TBX18: variants seen among roughly 807,000 people sequenced by gnomAD.
TBX18 encodes the protein T-box transcription factor TBX18.
A neutral mutation model predicts 55.0 loss-of-function variants in TBX18; 21 were observed. The observed-to-expected ratio is 0.38, with a 90% CI of 0.27 to 0.55. The LOEUF is 0.55. Ranked by LOEUF, TBX18 falls within the 20% of genes least tolerant of loss-of-function variation. The probability of loss-of-function intolerance (pLI) is 0.73; values close to 1 mark genes in which losing one functional copy is unlikely to be tolerated. For synonymous variants in TBX18, 342 were observed against 326.1 expected, an observed-to-expected ratio of 1.05 and a Z score of -0.53; for missense variants, 840 against 799.6, an observed-to-expected ratio of 1.05 and a Z score of -0.61.
intron 4 of TBX18, among the ~76,000 whole-genome samples, chr6:84,752,459 C>A (rs1198554338): frequency 6.6e-6 from 1 of 152,204 alleles, no homozygotes; most frequent in Non-Finnish European, 1.5e-5. Flanking sequence ...AAGGCTGTAA[C>A]AATGAATCAC....
At chr6:84,747,851 A>G in intron 5 of TBX18, 69 bp downstream of exon 5, 5 of 1,419,006 alleles carry the variant, frequency 3.5e-6, no homozygotes, top group Non-Finnish European at 4.9e-6. Context: ...TAGAGTGAGA[A>G]GGATAGCTAA....
At chr6:84,755,693 G>T (rs1273038036) in intron 4 of TBX18, among the ~76,000 whole-genome samples, 1 of 152,184 alleles carries the variant, frequency 6.6e-6, no homozygotes, top group Non-Finnish European at 1.5e-5. Flanking sequence ...CACTGGCGGT[G>T]TGAGATCTTA....
rs141977141 is a variant in TBX18, at chr6:84,744,035, C to G, written c.1004+226G>C. ...TTCAGAAACAGCATGCAGTGTACAT[C>G]CTGAGAGCTTCGATTTTCAGCTCAG... On this transcript the variant is annotated intron_variant, in intron 6 of 7. Coordinates refer to ENST00000369663, the MANE Select transcript of TBX18 (RefSeq NM_001080508.3). Among the ~76,000 whole-genome samples, 211 of 152,238 alleles carry G rather than the reference C, an allele frequency of 1.4e-3. 2 individuals carry two copies. Among genetic ancestry groups the G allele is most frequent in the African/African-American group, 4.6e-3 (191 of 41,556 alleles).
At chr6:84,763,330 GCC>G in intron 1 of TBX18, 1 of 455,754 alleles carries the variant, frequency 2.2e-6, no homozygotes, top group East Asian at 6.9e-5. Context: ...TGCGCTTCCA[GCC>G]CAGCAGAGAA....
intron 1 of TBX18, 98 bp from the exon 2 acceptor site, chr6:84,762,846 G>T: frequency 1.7e-6 from 2 of 1,190,552 alleles, no homozygotes; most frequent in Non-Finnish European, 2.4e-6. Context: ...AGAGGAAAAT[G>T]ACCGGGAGAA....
At chr6:84,743,036 A>G (rs549575684) in intron 6 of TBX18, among the ~76,000 whole-genome samples, 1 of 152,196 alleles carries the variant, frequency 6.6e-6, no homozygotes, top group Non-Finnish European at 1.5e-5. Flanking sequence ...ACATTGAAAC[A>G]CACATTTAAA....
chr6:84,738,245 G>A (rs1488583080), intron 7 of TBX18, among the ~76,000 whole-genome samples: 2 of 152,098 alleles, frequency 1.3e-5, no homozygotes, highest in African/African-American at 4.8e-5. Flanking sequence ...ATTTTAATAC[G>A]AGATTTAAGG....
Position 84,764,346 on chromosome 6 carries a change from C to G in TBX18, c.-165G>C, listed in dbSNP as rs534359447. ...AACAGATTTGGCGTTTCCGCTTTCTCGCTTGTGTTGGGATCCAGGAACCGG... is the reference window on the plus strand; with the variant it reads ...AACAGATTTGGCGTTTCCGCTTTCTGGCTTGTGTTGGGATCCAGGAACCGG... On this transcript the variant is annotated 5_prime_UTR_variant, in exon 1 of 8. Transcript: ENST00000369663. The G allele has an allele frequency of 6.1e-5, 64 of 1,041,148 alleles. No individual in the cohort carries two copies. The South Asian group carries it at 1.4e-3, about 22-fold the overall frequency. 64.5% of individuals were successfully genotyped at this position (1,041,148 alleles called of 1,614,324 possible).
At chr6:84,751,609 GA>G (rs778462086) in intron 4 of TBX18, among the ~76,000 whole-genome samples, 16 of 152,142 alleles carry the variant, frequency 1.1e-4, no homozygotes, top group Non-Finnish European at 2.4e-4. Flanking sequence ...GCACTGCAAG[GA>G]TTTCATTCCT....
chr6:84,763,351 A>G, intron 1 of TBX18: 1 of 457,020 alleles, frequency 2.2e-6, no homozygotes, highest in Non-Finnish European at 4.4e-6. Context: ...AAAAGTGTGA[A>G]AAGCAAGCCC....
chr6:84,748,455 T>A (rs1439288004), intron 4 of TBX18, among the ~76,000 whole-genome samples: 1 of 152,176 alleles, frequency 6.6e-6, no homozygotes, highest in Non-Finnish European at 1.5e-5. Flanking sequence ...AAATCATCAT[T>A]TAAATTGCAC....
Position 84,748,095 on chromosome 6 carries a change from A to G in TBX18, c.772-8T>C. On this transcript the variant is annotated splice_polypyrimidine_tract_variant and splice_region_variant and intron_variant, in intron 4 of 7. Transcript: ENST00000369663. ...CATAGAATGAAGAATAATCTATATC[A>G]AAGAAGGAAAAGCTGAATTTATCAG... 1 of 1,586,512 alleles carries G rather than the reference A, an allele frequency of 6.3e-7. No individual in the cohort carries two copies. The highest frequency in any genetic ancestry group is 8.6e-7 in the Non-Finnish European group (1 of 1,161,042).
At chr6:84,762,472 C>T in intron 2 of TBX18, 72 bp downstream of exon 2, 2 of 1,564,084 alleles carry the variant, frequency 1.3e-6, no homozygotes, top group Non-Finnish European at 8.8e-7. Flanking sequence ...GCCCTTCTTC[C>T]TGATTGAGCT....
At chr6:84,743,452 GAT>G (rs773808699) in intron 6 of TBX18, among the ~76,000 whole-genome samples, 1 of 152,160 alleles carries the variant, frequency 6.6e-6, no homozygotes, top group Non-Finnish European at 1.5e-5. Flanking sequence ...AAGTCATAAA[GAT>G]TGTTCAAATA....
At chr6:84,756,516 G>T (rs1381613049) in intron 4 of TBX18, among the ~76,000 whole-genome samples, 182 bp downstream of exon 4, 2 of 152,148 alleles carry the variant, frequency 1.3e-5, no homozygotes, top group Non-Finnish European at 2.9e-5. Flanking sequence ...ATGCCTCATC[G>T]GATAATTCTG....
Position 84,736,597 on chromosome 6 carries a change from C to T in TBX18, c.*88G>A. 1.4e-6 allele frequency: 2 copies of T among 1,405,608 alleles called. No homozygotes were observed. Among genetic ancestry groups the T allele is most frequent in the Non-Finnish European group, 1.9e-6 (2 of 1,061,062 alleles). The allele number at this position is 1,405,608 out of a possible 1,614,324, so 87.1% of individuals were successfully genotyped here. ...TCTATTATATGTACATTTTATAAACCACAGAGAGTTTCTTTCCACATAGCT... is the reference window on the plus strand; with the variant it reads ...TCTATTATATGTACATTTTATAAACTACAGAGAGTTTCTTTCCACATAGCT... On this transcript the variant is annotated 3_prime_UTR_variant, in exon 8 of 8. Transcript: ENST00000369663.
intron 3 of TBX18, among the ~76,000 whole-genome samples, chr6:84,758,921 T>A (rs1463137593): frequency 6.6e-6 from 1 of 152,174 alleles, no homozygotes; most frequent in Non-Finnish European, 1.5e-5. Context: ...TGTCTTTATT[T>A]CTATGAGAGT....
Position 84,763,951 on chromosome 6 carries a change from C to T in TBX18, c.231G>A (p.Pro77=). The change falls in exon 1 of 8, where the codon CCG becomes CCA. Residue 77 remains proline, a synonymous_variant. Coordinates refer to ENST00000369663, the MANE Select transcript of TBX18 (RefSeq NM_001080508.3). ...SEGDEGAALP[P]PAGATSGPAR... ...CCGGCCCAGACGTCGCCCCAGCCGGCGGCGGGAGCGCAGCGCCTTCGTCTC... is the reference window on the plus strand; with the variant it reads ...CCGGCCCAGACGTCGCCCCAGCCGGTGGCGGGAGCGCAGCGCCTTCGTCTC... 1 of 1,579,204 alleles carries T rather than the reference C, an allele frequency of 6.3e-7. No individual in the cohort carries two copies. Among genetic ancestry groups the T allele is most frequent in the Non-Finnish European group, 8.6e-7 (1 of 1,168,650 alleles).
rs752247587 is a variant in TBX18 at position 84,737,384 on chromosome 6, G to A, written c.1125C>T (p.Leu375=). Residue 375 remains leucine (L), a synonymous_variant, in exon 8 of 8, where the codon CTC becomes CTT. Transcript: ENST00000369663. ...CAGGAACGCCATTCCCAGTACCTTG[G>A]AGCAAGGTGGAGGAACTTGCATTGC... ...KQGNASSSTL[L]QGTGNGVPAT... 7 of 1,520,878 alleles carry A rather than the reference G, an allele frequency of 4.6e-6. No individual in the cohort carries two copies. The highest frequency in any genetic ancestry group is 5.3e-6 in the Non-Finnish European group (6 of 1,134,484). 94.2% of individuals were successfully genotyped at this position (1,520,878 alleles called of 1,614,324 possible).
Sources: gnomAD v4.1 joint callset for allele counts (sites outside exome capture counted in the v4.1 genomes callset) on GRCh38, gnomAD v4.1.1 for gene constraint, MANE v1.5 for transcripts, NCBI Gene and HGNC (gene_info 2026-07-23, HGNC 2026-07-21) for gene names.